Variants in FBN2 observed in about 807,000 individuals in gnomAD.
FBN2 encodes the protein fibrillin 2.
A neutral mutation model predicts 355.6 loss-of-function variants in FBN2; 105 were observed. The observed-to-expected ratio is 0.30, with a 90% CI of 0.25 to 0.35. FBN2 has a LOEUF of 0.35. Ranked by LOEUF, FBN2 falls within the 10% of genes least tolerant of loss-of-function variation. The probability of loss-of-function intolerance (pLI) is 1.00; values close to 1 mark genes in which losing one functional copy is unlikely to be tolerated. For synonymous variants in FBN2, 1,350 were observed against 1,301.2 expected, an observed-to-expected ratio of 1.04 and a Z score of -0.81; for missense variants, 3,280 against 3,758.7, an observed-to-expected ratio of 0.87 and a Z score of 3.33.
At chr5:128,275,393 C>G (rs980239503) in intron 59 of FBN2, among the ~76,000 whole-genome samples, 1 of 150,766 alleles carries the variant, frequency 6.6e-6, no homozygotes, top group Non-Finnish European at 1.5e-5. Flanking sequence ...TACAACTGAA[C>G]ATAAACAATG....
rs1749843433 is a variant in FBN2 at position 128,305,519 on chromosome 5, G to T, written c.5666C>A (p.Ala1889Asp). The T allele has an allele frequency of 6.2e-7, 1 of 1,613,958 alleles. No homozygotes were observed. The highest frequency in any genetic ancestry group is 8.5e-7 in the Non-Finnish European group (1 of 1,179,928). Residue 1889 changes from alanine (A) to aspartate (D), a missense_variant, in exon 44 of 65, where the codon GCC (alanine) becomes GAC (aspartate). Ala to Asp is a moderately radical substitution (Grantham distance 126, BLOSUM62 -2). This residue lies in a region of FBN2 where 2,284 missense variants were observed against 2,749.5 expected (regional missense o/e 0.83). Coordinates refer to ENST00000262464, the MANE Select transcript of FBN2 (RefSeq NM_001999.4). ...AAGFKLSPNG[A>D]CVDRNECLEI... is the part of the protein sequence containing the mutation. The stretch of plus-strand genomic sequence containing the variant: ...GTCAGCCTCTTTCTTACCTACACAG[G>T]CCCCATTGGGTGAAAGTTTGAAACC...
intron 34 of FBN2, among the ~76,000 whole-genome samples, chr5:128,325,722 A>G (rs1750526511): frequency 6.6e-6 from 1 of 152,058 alleles, no homozygotes; most frequent in Non-Finnish European, 1.5e-5. Flanking sequence ...TGATGTTTAT[A>G]GTTTTTGTCT....
At chr5:128,377,567 A>C (rs1430751267) in intron 13 of FBN2, among the ~76,000 whole-genome samples, 185 bp downstream of exon 13, 2 of 152,014 alleles carry the variant, frequency 1.3e-5, no homozygotes, top group Non-Finnish European at 2.9e-5. Flanking sequence ...AAAAAACCAA[A>C]AAACAAACAA....
Position 128,274,657 on chromosome 5 carries a change from G to A in FBN2, c.7621C>T (p.His2541Tyr), listed in dbSNP as rs754874901. The A allele has an allele frequency of 6.2e-7, 1 of 1,611,908 alleles. No individual in the cohort carries two copies. Among genetic ancestry groups the A allele is most frequent in the Non-Finnish European group, 8.5e-7 (1 of 1,178,060 alleles). The change falls in exon 60 of 65, where the codon CAT becomes TAT. Residue 2541 changes from histidine to tyrosine, a missense_variant. Around this residue, in one of 6 missense-constraint regions of FBN2, gnomAD observed 2,284 missense variants for 2,749.5 expected, o/e 0.83. Coordinates refer to ENST00000262464, the MANE Select transcript of FBN2 (RefSeq NM_001999.4). ...KDLDECQTKQ[H>Y]NCQFLCVNTL... ...TTGACACAGAGGAACTGGCAGTTAT[G>A]CTGCTTTGTTTGACATTCATCAAGG...
intron 5 of FBN2, among the ~76,000 whole-genome samples, chr5:128,476,034 T>C (rs1189011057): frequency 2.6e-5 from 4 of 152,178 alleles, no homozygotes; most frequent in African/African-American, 4.8e-5. Flanking sequence ...TAAAATGTCT[T>C]GGGGTGACAT....
chr5:128,506,516 C>T (rs968435765), intron 5 of FBN2, among the ~76,000 whole-genome samples: 4 of 152,088 alleles, frequency 2.6e-5, no homozygotes, highest in African/African-American at 9.7e-5. Context: ...ATCCTGCAGC[C>T]TTGCTGAACT....
At chr5:128,353,608 T>G (rs1232920196) in intron 20 of FBN2, among the ~76,000 whole-genome samples, 1 of 152,222 alleles carries the variant, frequency 6.6e-6, no homozygotes, top group African/African-American at 2.4e-5. Flanking sequence ...TAGTTCTGAT[T>G]TATCACCTTG....
chr5:128,360,411 C>T (rs973084900), intron 19 of FBN2, among the ~76,000 whole-genome samples: 12 of 152,056 alleles, frequency 7.9e-5, no homozygotes, highest in African/African-American at 2.7e-4. Context: ...GTGTCCCCTT[C>T]TCACCTACTG....
In FBN2 at chr5:128,301,494, A is replaced by G; in HGVS notation, c.5934T>C (p.Ser1978=). 1 of 1,613,448 alleles carries G rather than the reference A, an allele frequency of 6.2e-7. No homozygotes were observed. ...TTCTGCACACCTGACCAAAAAAGGA[A>G]CTGCACTCATCTATGTCTGTAAGCA... is the stretch of plus-strand genomic sequence containing the variant. ...NNDCLDIDEC[S]SFFGQVCRNG... Residue 1978 remains serine (S), a synonymous_variant, in exon 47 of 65, where the codon AGT becomes AGC. Coordinates refer to ENST00000262464, the MANE Select transcript of FBN2 (RefSeq NM_001999.4).
At chr5:128,278,072 C>T (rs1015729617) in intron 57 of FBN2, 67 bp from the exon 58 acceptor site, 1 of 1,541,896 alleles carries the variant, frequency 6.5e-7, no homozygotes, top group African/African-American at 1.4e-5. Flanking sequence ...TGGTTAGAAT[C>T]AAAGAGAAAT....
In FBN2 at chr5:128,335,450, T is replaced by C. The variant is rs1444917250; in HGVS notation, c.3847+5A>G. ...TACAAAACCTGTGTGTTTTCCTTTC[T>C]ATACCTGCACACGATCTCCCATCTG... is the stretch of plus-strand genomic sequence containing the variant. On this transcript the variant is annotated splice_donor_5th_base_variant and intron_variant, in intron 29 of 64. Transcript: ENST00000262464. 6.2e-6 allele frequency: 10 copies of C among 1,614,224 alleles called. No homozygotes were observed. Among genetic ancestry groups the C allele is most frequent in the South Asian group, 1.1e-5 (1 of 91,084 alleles).
chr5:128,470,541 T>C (rs138186041), intron 5 of FBN2, among the ~76,000 whole-genome samples: 1 of 152,156 alleles, frequency 6.6e-6, no homozygotes, highest in Admixed American at 6.5e-5. Flanking sequence ...GTTTTGCTTT[T>C]GTCTGTCAGA....
At chr5:128,482,946 G>T (rs1028867540) in intron 5 of FBN2, among the ~76,000 whole-genome samples, 1 of 152,054 alleles carries the variant, frequency 6.6e-6, no homozygotes, top group Non-Finnish European at 1.5e-5. Context: ...ATCAACCTAG[G>T]TGGCCATCAA....
At chr5:128,370,269 T>C (rs1180571277) in intron 15 of FBN2, among the ~76,000 whole-genome samples, 1 of 152,208 alleles carries the variant, frequency 6.6e-6, no homozygotes, top group Admixed American at 6.5e-5. Context: ...AGCAGTATAC[T>C]GACCTGGTAT....
At chr5:128,490,509 A>T (rs1443011549) in intron 5 of FBN2, among the ~76,000 whole-genome samples, 1 of 152,210 alleles carries the variant, frequency 6.6e-6, no homozygotes, top group Non-Finnish European at 1.5e-5. Flanking sequence ...TAATCGAAAA[A>T]GTTTTATGTA....
chr5:128,429,901 A>C (rs11952130), intron 7 of FBN2, among the ~76,000 whole-genome samples: 16,587 of 152,160 alleles, frequency 0.11, 1,062 homozygotes, highest in African/African-American at 0.17. Flanking sequence ...CTAAATGAGA[A>C]CTTTTTTCTT....
At chr5:128,314,547 A>C (rs1202147623) in intron 36 of FBN2, among the ~76,000 whole-genome samples, 2 of 151,844 alleles carry the variant, frequency 1.3e-5, no homozygotes, top group Non-Finnish European at 2.9e-5. Flanking sequence ...TGATCTTTTG[A>C]CCTTGTGATC....
intron 34 of FBN2, among the ~76,000 whole-genome samples, chr5:128,321,774 G>A (rs1750381721): frequency 1.3e-5 from 2 of 152,182 alleles, no homozygotes; most frequent in Admixed American, 1.3e-4. Context: ...TGTCTTTATA[G>A]CAGAATGATT....
intron 60 of FBN2, 76 bp from the exon 61 acceptor site, chr5:128,274,044 C>T: frequency 6.4e-7 from 1 of 1,553,696 alleles, no homozygotes; most frequent in South Asian, 1.1e-5. Context: ...AAGTAAAAAG[C>T]AATGTATGAA....
Sources: allele counts gnomAD v4.1 joint callset (sites outside exome capture counted in the v4.1 genomes callset), GRCh38; gene constraint gnomAD v4.1.1; regional missense constraint gnomAD v4.1.1; transcripts MANE v1.5; gene names NCBI Gene and HGNC (gene_info 2026-07-23, HGNC 2026-07-21).